The following N4BP2L2 variants were observed in gnomAD, a reference collection of about 807,000 sequenced individuals.
The protein encoded by N4BP2L2 is NEDD4 binding protein 2 like 2.
N4BP2L2 carries 50 observed loss-of-function variants against 56.2 expected under a neutral mutation model. The observed-to-expected ratio is 0.89, with a 90% CI of 0.71 to 1.13. The LOEUF is 1.13. Ranked by LOEUF, N4BP2L2 falls within the 50% of genes most tolerant of loss-of-function variation. The pLI is 0.00. For missense variants in N4BP2L2, 689 were observed against 693.8 expected (o/e 0.99, Z 0.08); for synonymous variants, 203 against 223.6 (o/e 0.91, Z 0.82).
At chr13:32,531,104 T>C (rs2054658171) in intron 2 of N4BP2L2, among the ~76,000 whole-genome samples, 1 of 152,130 alleles carries the variant, frequency 6.6e-6, no homozygotes, top group Admixed American at 6.6e-5. Context: ...GAGAGAGCTC[T>C]TAGAACCAGA....
At chr13:32,484,175 T>C (rs949378174) in intron 6 of N4BP2L2, among the ~76,000 whole-genome samples, 5 of 151,482 alleles carry the variant, frequency 3.3e-5, no homozygotes, top group Admixed American at 3.3e-4. Context: ...ATACAAATAT[T>C]AGCCAAGTGT....
chr13:32,504,425 C>G (rs1204118961), intron 6 of N4BP2L2: 1 of 152,208 alleles, frequency 6.6e-6, no homozygotes, highest in African/African-American at 2.4e-5. Flanking sequence ...ATGATCTTCC[C>G]TTTGTGTTTG....
intron 6 of N4BP2L2, among the ~76,000 whole-genome samples, chr13:32,473,081 G>A (rs1363889965): frequency 6.6e-6 from 1 of 152,100 alleles, no homozygotes; most frequent in Non-Finnish European, 1.5e-5. Flanking sequence ...AGGAGTTCGA[G>A]ACCAGCCTGG....
chr13:32,438,123 G>C (rs1186553371), intron 8 of N4BP2L2, among the ~76,000 whole-genome samples: 1 of 152,012 alleles, frequency 6.6e-6, no homozygotes, highest in Non-Finnish European at 1.5e-5. Context: ...TTTCTTTGTA[G>C]TCAGAACATT....
chr13:32,503,240 T>C (rs150079636), intron 6 of N4BP2L2, among the ~76,000 whole-genome samples: 1 of 151,020 alleles, frequency 6.6e-6, no homozygotes, highest in East Asian at 1.9e-4. Flanking sequence ...GAACACAGTA[T>C]GATTTAATTA....
At chr13:32,471,953 T>C (rs1227506515) in intron 6 of N4BP2L2, among the ~76,000 whole-genome samples, 1 of 152,204 alleles carries the variant, frequency 6.6e-6, no homozygotes, top group East Asian at 1.9e-4. Context: ...ACATCACCCA[T>C]GAACTATTCT....
At chr13:32,458,078 T>G (rs2079295096) in intron 6 of N4BP2L2, among the ~76,000 whole-genome samples, 1 of 152,232 alleles carries the variant, frequency 6.6e-6, no homozygotes, top group Admixed American at 6.5e-5. Flanking sequence ...TTTGTTTTGT[T>G]TTTGAGACAG....
In N4BP2L2 at chr13:32,532,994, G is replaced by A. The variant is rs537215128; in HGVS notation, c.1259+2775C>T. 1.4e-3 allele frequency among the ~76,000 whole-genome samples: 216 copies of A among 152,020 alleles called. 15 individuals carry two copies. The highest frequency in any genetic ancestry group is 1.0e-3 in the Non-Finnish European group (71 of 67,972). ...CCCACCTCAGCCTCCCAAAGTGCTG[G>A]GATTACAGGTGTAAGCCACCACACC... On this transcript the variant is annotated intron_variant, in intron 2 of 5. Transcript: ENST00000267068.
intron 6 of N4BP2L2, among the ~76,000 whole-genome samples, chr13:32,470,343 G>C (rs1053686634): frequency 7.2e-5 from 11 of 152,274 alleles, no homozygotes; most frequent in African/African-American, 2.6e-4. Flanking sequence ...TCTTTTACAG[G>C]TTTAAAAGCG....
Position 32,535,909 on chromosome 13 carries a change from C to T in N4BP2L2, c.1119G>A (p.Trp373Ter), listed in dbSNP as rs1392303476. The T allele has an allele frequency of 6.2e-7, 1 of 1,614,010 alleles. No individual in the cohort carries two copies. The highest frequency in any genetic ancestry group is 8.5e-7 in the Non-Finnish European group (1 of 1,180,046). The change falls in exon 2 of 6, where the codon TGG becomes TGA. Residue 373 changes from tryptophan (W) to a stop codon, truncating the protein, a stop_gained. Coordinates refer to ENST00000267068, the Ensembl canonical transcript of N4BP2L2. LOFTEE classifies it high-confidence loss of function. ...TATGCTTGTCCATACAATGATCTTTCCAGCATCTTTCTCTGACTTCACAGA... is the reference window on the plus strand; with the variant it reads ...TATGCTTGTCCATACAATGATCTTTTCAGCATCTTTCTCTGACTTCACAGA...
intron 3 of N4BP2L2, 40 bp downstream of exon 3, chr13:32,527,368 G>A (rs1329920723): frequency 1.7e-5 from 27 of 1,600,486 alleles, no homozygotes; most frequent in Non-Finnish European, 2.2e-5. Flanking sequence ...TTGACTCCTA[G>A]CCAAATATTC....
chr13:32,522,374 A>G lies in N4BP2L2; in HGVS notation c.1385-104T>C, dbSNP rs2051224365. On this transcript the variant is annotated intron_variant, in intron 3 of 5. Coordinates refer to ENST00000267068, the Ensembl canonical transcript of N4BP2L2. ...AATGTACTACGTCTCTGTACTTAAA[A>G]CCAAAACTGTGCAATCTCTTCAGTC... The G allele has an allele frequency of 3.4e-5, 22 of 654,908 alleles. No individual in the cohort carries two copies. In the East Asian group the frequency reaches 7.1e-4, roughly 21 times the overall value. The allele number at this position is 654,908 out of a possible 1,614,324, so 40.6% of individuals were successfully genotyped here.
chr13:32,502,761 G>C (rs1404294572), intron 6 of N4BP2L2, among the ~76,000 whole-genome samples: 1 of 152,178 alleles, frequency 6.6e-6, no homozygotes, highest in Non-Finnish European at 1.5e-5. Flanking sequence ...CTAAGGGGCA[G>C]TCTGAAAGCA....
At chr13:32,532,450 T>C (rs1306426167) in intron 2 of N4BP2L2, among the ~76,000 whole-genome samples, 1 of 152,148 alleles carries the variant, frequency 6.6e-6, no homozygotes, top group Non-Finnish European at 1.5e-5. Context: ...ATAGGGGCTT[T>C]AAATATTTTT....
intron 6 of N4BP2L2, among the ~76,000 whole-genome samples, chr13:32,470,959 A>C (rs547282832): frequency 6.6e-6 from 1 of 152,318 alleles, no homozygotes; most frequent in Admixed American, 6.5e-5. Context: ...TGCTGCCTGG[A>C]TTGCTGTCAC....
intron 6 of N4BP2L2, among the ~76,000 whole-genome samples, chr13:32,448,246 A>C (rs1343045346): frequency 6.6e-6 from 1 of 152,088 alleles, no homozygotes; most frequent in Admixed American, 6.6e-5. Context: ...GAATGTGGCT[A>C]ATCAGTAGAT....
chr13:32,477,848 G>A, intron 6 of N4BP2L2: 1 of 1,287,380 alleles, frequency 7.8e-7, no homozygotes, highest in Non-Finnish European at 1.0e-6. Flanking sequence ...GTTTGCACTG[G>A]ATTTGAAACA....
intron 6 of N4BP2L2, among the ~76,000 whole-genome samples, chr13:32,475,526 A>G (rs2083159198): frequency 6.6e-6 from 1 of 152,232 alleles, no homozygotes; most frequent in South Asian, 2.1e-4. Context: ...TGACGTCTAC[A>G]TAATGCACAG....
At chr13:32,433,946 A>AAAG (rs1379419109) in intron 9 of N4BP2L2, among the ~76,000 whole-genome samples, 1 of 150,462 alleles carries the variant, frequency 6.6e-6, no homozygotes, top group African/African-American at 2.4e-5. Context: ...AAAAAAAAAA[A>AAAG]AAAAGAAAAG....
Sources: gnomAD v4.1 joint callset for allele counts (sites outside exome capture counted in the v4.1 genomes callset) on GRCh38, gnomAD v4.1.1 for gene constraint, MANE v1.5 for transcripts, NCBI Gene and HGNC (gene_info 2026-07-23, HGNC 2026-07-21) for gene names.